AKAP13: variants seen among roughly 807,000 people sequenced by gnomAD.
The protein encoded by AKAP13 is A-kinase anchoring protein 13.
Under a neutral mutation model 264.5 loss-of-function variants are expected in AKAP13, and 80 were observed. The observed-to-expected ratio is 0.30, with a 90% confidence interval of 0.25 to 0.36. AKAP13 has a LOEUF of 0.36. AKAP13 is among the 10% of genes least tolerant of loss of function. AKAP13 has a pLI of 1.00. For missense variants in AKAP13, 3,712 were observed against 3,435.2 expected (o/e 1.08, Z -2.01); for synonymous variants, 1,380 against 1,250.2 (o/e 1.10, Z -2.19).
chr15:85,717,191 G>T, intron 20 of AKAP13, 99 bp from the exon 21 acceptor site: 2 of 712,074 alleles, frequency 2.8e-6, no homozygotes, highest in Non-Finnish European at 4.6e-6. Flanking sequence ...AGTACTTCCA[G>T]CCAGTTGTCA....
intron 3 of AKAP13, among the ~76,000 whole-genome samples, chr15:85,530,022 A>G (rs1333489417): frequency 6.6e-6 from 1 of 152,084 alleles, no homozygotes; most frequent in Admixed American, 6.6e-5. Context: ...GCTATTTCTG[A>G]CATTCTGCCT....
rs200481417 is a variant in AKAP13, at chr15:85,579,971, T to G, written c.1903T>G (p.Ser635Ala). The G allele has an allele frequency of 6.2e-7, 1 of 1,614,160 alleles. No individual in the cohort carries two copies. Among genetic ancestry groups the G allele is most frequent in the Non-Finnish European group, 8.5e-7 (1 of 1,180,026 alleles). Residue 635 changes from serine (S) to alanine (A), a missense_variant, in exon 7 of 37, where the codon TCA (serine) becomes GCA (alanine). Physicochemically the swap from Ser to Ala is moderately conservative, Grantham distance 99. This residue lies in a region of AKAP13 where 2,759 missense variants were observed against 2,411.7 expected (regional missense o/e 1.14). Transcript: ENST00000394518. ...AGAAGATGTAATGCCACACCAGAAC[T>G]CAGAAACAAATTCATCTCATGCTCA... ...LEEDVMPHQN[S>A]ETNSSHAQSQ...
intron 1 of AKAP13, among the ~76,000 whole-genome samples, chr15:85,469,210 A>G (rs1183226066): frequency 6.6e-6 from 1 of 150,562 alleles, no homozygotes; most frequent in Admixed American, 6.7e-5. Flanking sequence ...CCACCGCACC[A>G]GGCCAGGTGT....
chr15:85,700,390 C>T (rs2085840112), intron 17 of AKAP13, among the ~76,000 whole-genome samples: 1 of 152,148 alleles, frequency 6.6e-6, no homozygotes, highest in Non-Finnish European at 1.5e-5. Context: ...TTATTAGACT[C>T]CTTATGCTAT....
intron 2 of AKAP13, among the ~76,000 whole-genome samples, chr15:85,510,466 A>G (rs35899940): frequency 0.25 from 38,676 of 152,196 alleles, 6,500 homozygotes; most frequent in Middle Eastern, 0.41. Context: ...ATAAAAGGAA[A>G]TGTTTAAAGT....
rs1567175503 is a variant in AKAP13 at position 85,650,789 on chromosome 15, A to AAC, written c.4375-4626_4375-4625dup. Among the ~76,000 whole-genome samples the AAC allele has an allele frequency of 7.2e-3, 840 of 116,752 alleles. 1 individual carries two copies. Among genetic ancestry groups the AAC allele is most frequent in the Non-Finnish European group, 0.013 (701 of 52,696 alleles). 76.6% of individuals were successfully genotyped at this position (116,752 alleles called of 152,430 possible). ...AAAAAAAAAAAAAAAAAAAAAAAAA[A>AAC]ACAACAAAAACTGCAATTGCCTGTG... On this transcript the variant is annotated intron_variant, in intron 10 of 36. Coordinates refer to ENST00000394518, the MANE Select transcript of AKAP13 (RefSeq NM_007200.5).
At chr15:85,678,901 G>A (rs1018023579) in intron 14 of AKAP13, among the ~76,000 whole-genome samples, 2 of 151,426 alleles carry the variant, frequency 1.3e-5, no homozygotes, top group African/African-American at 4.9e-5. Flanking sequence ...AAAAATCAAA[G>A]TATTTGTAAT....
At chr15:85,697,304 C>T (rs1352770129) in intron 17 of AKAP13, among the ~76,000 whole-genome samples, 1 of 152,230 alleles carries the variant, frequency 6.6e-6, no homozygotes, top group Non-Finnish European at 1.5e-5. Context: ...GGCGCAGTGG[C>T]TCACGCCTGT....
chr15:85,703,933 CAAG>C, intron 17 of AKAP13, among the ~76,000 whole-genome samples: 1 of 150,950 alleles, frequency 6.6e-6, no homozygotes. Context: ...AGATTTTAAA[CAAG>C]AAGTTTAAAG....
rs942968463 is a variant in AKAP13, at chr15:85,577,929, T to TTTG, written c.862-998_862-996dup. The TTTG allele has an allele frequency of 8.8e-5, 61 of 691,854 alleles. No homozygotes were observed. The African/African-American group carries it at 1.2e-3, about 13-fold the overall frequency. The allele number at this position is 691,854 out of a possible 1,614,324, so 42.9% of individuals were successfully genotyped here. On this transcript the variant is annotated intron_variant, in intron 6 of 36. Coordinates refer to ENST00000394518, the MANE Select transcript of AKAP13 (RefSeq NM_007200.5). ...ACCTTGTAATGGAAAAGAGCTAGGA[T>TTTG]TTGTTTTTACTTGTATATATGAGGC...
rs144584649 is a variant in AKAP13 at position 85,607,648 on chromosome 15, A to G, written c.4161+21825A>G. 2.1e-3 allele frequency among the ~76,000 whole-genome samples: 323 copies of G among 152,320 alleles called. 2 individuals are homozygous for G. Among genetic ancestry groups the G allele is most frequent in the Admixed American group, 3.6e-3 (55 of 15,300 alleles). On this transcript the variant is annotated intron_variant, in intron 8 of 36. Coordinates refer to ENST00000394518, the MANE Select transcript of AKAP13 (RefSeq NM_007200.5). Reference sequence around the variant, plus strand: ...CTTCATTTCCTTTGATGTTTCCTGTATGAGACATCTCTGCTAGTATGTATT... The same window carrying G: ...CTTCATTTCCTTTGATGTTTCCTGTGTGAGACATCTCTGCTAGTATGTATT...
Position 85,741,142 on chromosome 15 carries a change from A to G in AKAP13, c.7705A>G (p.Ile2569Val), listed in dbSNP as rs1239306819. The change falls in exon 35 of 37, where the codon ATT becomes GTT. Residue 2569 changes from isoleucine (I) to valine (V), a missense_variant. Physicochemically the swap from Ile to Val is conservative, Grantham distance 29. This residue lies in a region of AKAP13 where 611 missense variants were observed against 539.3 expected (regional missense o/e 1.13). Transcript: ENST00000394518. ...CAGCTTGTCCCGCCCGAGCTCCCTC[A>G]TTGAGCAGGAGAAGCAGCGCAGCCT... ...TRSLSRPSSL[I>V]EQEKQRSLEK... The G allele has an allele frequency of 1.2e-6, 2 of 1,613,634 alleles. No individual in the cohort carries two copies. Among genetic ancestry groups the G allele is most frequent in the Admixed American group, 3.3e-5 (2 of 60,010 alleles).
chr15:85,464,209 C>T (rs896906054), intron 1 of AKAP13, among the ~76,000 whole-genome samples: 5 of 152,200 alleles, frequency 3.3e-5, no homozygotes, highest in African/African-American at 1.2e-4. Context: ...TCTCCCTTCC[C>T]TGTCCCTGTT....
intron 1 of AKAP13, among the ~76,000 whole-genome samples, chr15:85,458,814 C>G (rs1430620753): frequency 1.3e-5 from 2 of 152,172 alleles, no homozygotes; most frequent in Non-Finnish European, 2.9e-5. Flanking sequence ...TTGGTGCCAT[C>G]ATTAAATTAT....
At chr15:85,564,843 G>A (rs184277216) in intron 5 of AKAP13, among the ~76,000 whole-genome samples, 2 of 152,262 alleles carry the variant, frequency 1.3e-5, no homozygotes, top group African/African-American at 4.8e-5. Context: ...GCTGAGTGGT[G>A]GAGATCAGCA....
At position 85,693,426 on chromosome 15, in the gene AKAP13, C is replaced by G; in HGVS notation, c.5439C>G (p.Thr1813=). Reference sequence around the variant, plus strand: ...GTAGCCAGTGTATGAAGCCCTTCACCAACAAAGATGCCTATACTTGTGCAA... The same window carrying G: ...GTAGCCAGTGTATGAAGCCCTTCACGAACAAAGATGCCTATACTTGTGCAA... The part of the protein sequence containing the change: ...ISCSQCMKPF[T]NKDAYTCANC... The change falls in exon 17 of 37, where the codon ACC becomes ACG. Residue 1813 remains threonine, a synonymous_variant. Coordinates refer to ENST00000394518, the MANE Select transcript of AKAP13 (RefSeq NM_007200.5). The G allele has an allele frequency of 6.2e-7, 1 of 1,613,318 alleles. No homozygotes were observed. Among genetic ancestry groups the G allele is most frequent in the Non-Finnish European group, 8.5e-7 (1 of 1,179,804 alleles).
At chr15:85,706,532 C>T (rs553083156) in intron 17 of AKAP13, among the ~76,000 whole-genome samples, 1 of 152,300 alleles carries the variant, frequency 6.6e-6, no homozygotes, top group South Asian at 2.1e-4. Context: ...CTAGTACATA[C>T]ATACATGCAG....
intron 14 of AKAP13, among the ~76,000 whole-genome samples, chr15:85,673,959 G>A (rs909789347): frequency 4.6e-5 from 7 of 151,508 alleles, no homozygotes; most frequent in African/African-American, 1.7e-4. Context: ...CCAAAGTGCT[G>A]GGATTACAGG....
chr15:85,399,535 A>AAAAAAAAAAAAAAAT (rs1567038735), intron 1 of AKAP13, among the ~76,000 whole-genome samples: 4 of 105,592 alleles, frequency 3.8e-5, no homozygotes, highest in African/African-American at 8.1e-5. Flanking sequence ...AAAAAATAAA[A>AAAAAAAAAAAAAAAT]AAATAAATAA....
Sources: allele counts gnomAD v4.1 joint callset (sites outside exome capture counted in the v4.1 genomes callset), GRCh38; gene constraint gnomAD v4.1.1; regional missense constraint gnomAD v4.1.1; transcripts MANE v1.5; gene names NCBI Gene and HGNC (gene_info 2026-07-23, HGNC 2026-07-21).